Variants in WWC2 observed in about 807,000 individuals in gnomAD.
WWC2 encodes the protein protein WWC2.
In WWC2, 101 loss-of-function variants were observed where a neutral mutation model predicts 138.5. The observed-to-expected ratio is 0.73, with a 90% CI of 0.62 to 0.86. The LOEUF is 0.86. Among genes scored for constraint, WWC2 ranks in the 40% least tolerant of loss-of-function variants. The probability of loss-of-function intolerance (pLI) is 0.00; values close to 1 mark genes in which losing one functional copy is unlikely to be tolerated. For synonymous variants in WWC2, 558 were observed against 538.4 expected (o/e 1.04, Z -0.50); for missense variants, 1,420 against 1,419.4 (o/e 1.00, Z -0.01).
Position 183,319,922 on chromosome 4 carries a change from C to T in WWC2, c.*4193C>T. On this transcript the variant is annotated 3_prime_UTR_variant, in exon 23 of 23. Transcript: ENST00000403733. ...CAATTCTCAAACAGTCCAGGCCAAA[C>T]CCAGAGACCAGCAGGCCCAGAAATC... 3 of 1,613,714 alleles carry T rather than the reference C, an allele frequency of 1.9e-6. No individual in the cohort carries two copies. Among genetic ancestry groups the T allele is most frequent in the Non-Finnish European group, 2.5e-6 (3 of 1,179,756 alleles).
intron 4 of WWC2, among the ~76,000 whole-genome samples, chr4:183,217,399 A>G (rs887855217): frequency 2.0e-5 from 3 of 152,204 alleles, no homozygotes; most frequent in African/African-American, 4.8e-5. Context: ...TCACTTTATT[A>G]TATGCTAGTT....
chr4:183,136,420 T>C (rs1733117428), intron 1 of WWC2, among the ~76,000 whole-genome samples: 1 of 152,194 alleles, frequency 6.6e-6, no homozygotes, highest in Non-Finnish European at 1.5e-5. Context: ...AGTTATATCT[T>C]ATTTCTGGGA....
At chr4:183,119,238 C>G (rs962344865) in intron 1 of WWC2, among the ~76,000 whole-genome samples, 3 of 152,148 alleles carry the variant, frequency 2.0e-5, no homozygotes, top group South Asian at 2.1e-4. Context: ...CATGAATTCC[C>G]TCTCCAGAAG....
At chr4:183,206,007 A>G (rs1454196809) in intron 2 of WWC2, among the ~76,000 whole-genome samples, 1 of 152,068 alleles carries the variant, frequency 6.6e-6, no homozygotes, top group East Asian at 1.9e-4. Context: ...TGCTTTACAA[A>G]TTCCACCTGT....
At chr4:183,217,249 A>G (rs1735783885) in intron 4 of WWC2, among the ~76,000 whole-genome samples, 1 of 152,132 alleles carries the variant, frequency 6.6e-6, no homozygotes, top group Admixed American at 6.5e-5. Context: ...TGGGGATGAG[A>G]GTAGTGTGGA....
intron 1 of WWC2, among the ~76,000 whole-genome samples, chr4:183,118,181 C>T (rs1158135534): frequency 6.6e-6 from 1 of 152,140 alleles, no homozygotes; most frequent in Non-Finnish European, 1.5e-5. Flanking sequence ...TCGATTGCCA[C>T]GTTATAGTTT....
chr4:183,143,801 C>T (rs1733371872), intron 1 of WWC2, among the ~76,000 whole-genome samples: 1 of 151,706 alleles, frequency 6.6e-6, no homozygotes, highest in African/African-American at 2.4e-5. Context: ...GAGATAGACC[C>T]TGTCTCACCT....
At chr4:183,282,494 A>C in intron 17 of WWC2, 1 of 552,108 alleles carries the variant, frequency 1.8e-6, no homozygotes, top group East Asian at 2.8e-5. Flanking sequence ...TTAACTTTTT[A>C]GTACCACATT....
At chr4:183,144,201 A>G (rs975008057) in intron 1 of WWC2, among the ~76,000 whole-genome samples, 1 of 152,194 alleles carries the variant, frequency 6.6e-6, no homozygotes, top group Non-Finnish European at 1.5e-5. Flanking sequence ...AAAATAATCA[A>G]GTTAGTTTCT....
intron 1 of WWC2, among the ~76,000 whole-genome samples, chr4:183,104,673 T>TA (rs1303536360): frequency 1.3e-5 from 2 of 152,224 alleles, no homozygotes; most frequent in East Asian, 1.9e-4. Flanking sequence ...AAAAGAGGAT[T>TA]AAAAAAATCA....
intron 1 of WWC2, among the ~76,000 whole-genome samples, chr4:183,146,745 C>G (rs753382485): frequency 2.6e-5 from 4 of 152,188 alleles, no homozygotes; most frequent in Non-Finnish European, 5.9e-5. Context: ...CACGAAAAGA[C>G]TCTGCCAGGA....
At chr4:183,241,264 C>T (rs980973855) in intron 5 of WWC2, among the ~76,000 whole-genome samples, 20 of 152,358 alleles carry the variant, frequency 1.3e-4, no homozygotes, top group Non-Finnish European at 2.4e-4. Context: ...AAGTACCCAG[C>T]TGTGTTCCTT....
At chr4:183,294,189 C>G (rs1300635122) in intron 21 of WWC2, among the ~76,000 whole-genome samples, 4 of 152,098 alleles carry the variant, frequency 2.6e-5, no homozygotes, top group Non-Finnish European at 4.4e-5. Context: ...AGTTTGCCAA[C>G]TGCTGATACA....
chr4:183,287,706 AG>A (rs1194818718), intron 20 of WWC2, among the ~76,000 whole-genome samples: 1 of 152,192 alleles, frequency 6.6e-6, no homozygotes, highest in Non-Finnish European at 1.5e-5. Context: ...GATGAGGAAA[AG>A]GTTCATCTGA....
intron 1 of WWC2, among the ~76,000 whole-genome samples, chr4:183,101,999 G>A (rs552920971): frequency 8.7e-4 from 133 of 152,302 alleles, no homozygotes; most frequent in African/African-American, 3.0e-3. Flanking sequence ...ATTTAGTAGG[G>A]GAGGCTAGGG....
chr4:183,200,599 T>C (rs1228385952), intron 2 of WWC2, among the ~76,000 whole-genome samples: 1 of 152,184 alleles, frequency 6.6e-6, no homozygotes, highest in Non-Finnish European at 1.5e-5. Context: ...TCAGCCAGGC[T>C]GCAGTCATCT....
intron 4 of WWC2, among the ~76,000 whole-genome samples, chr4:183,220,809 G>C (rs1735912203): frequency 6.6e-6 from 1 of 151,358 alleles, no homozygotes; most frequent in African/African-American, 2.4e-5. Context: ...ACCCCAGCCT[G>C]GGCGACAGAG....
At chr4:183,255,194 C>A (rs1025459649) in intron 9 of WWC2, among the ~76,000 whole-genome samples, 12 of 152,198 alleles carry the variant, frequency 7.9e-5, no homozygotes, top group African/African-American at 2.9e-4. Flanking sequence ...CTCATCTTTG[C>A]CTCCATTTCC....
intron 4 of WWC2, among the ~76,000 whole-genome samples, chr4:183,236,510 G>A (rs1431536414): frequency 6.6e-6 from 1 of 152,206 alleles, no homozygotes; most frequent in Non-Finnish European, 1.5e-5. Context: ...ACATTCAGCG[G>A]TCTATGAGTG....
Sources: gnomAD v4.1 joint callset for allele counts (sites outside exome capture counted in the v4.1 genomes callset) on GRCh38, gnomAD v4.1.1 for gene constraint, MANE v1.5 for transcripts, NCBI Gene and HGNC (gene_info 2026-07-23, HGNC 2026-07-21) for gene names.